ARHGAP15: variants seen among roughly 807,000 people sequenced by gnomAD.
ARHGAP15 encodes the protein Rho GTPase activating protein 15.
ARHGAP15 carries 51 observed loss-of-function variants against 63.7 expected under a neutral mutation model. The ratio of observed to expected loss-of-function variants is 0.80; its 90% CI spans 0.64 to 1.01. ARHGAP15 has a LOEUF of 1.01. Ranked by LOEUF, ARHGAP15 falls within the 50% of genes least tolerant of loss-of-function variation. The pLI is 0.00. For synonymous variants in ARHGAP15, 191 were observed against 193.8 expected, an observed-to-expected ratio of 0.99 and a Z score of 0.12; for missense variants, 560 against 564.6, an observed-to-expected ratio of 0.99 and a Z score of 0.08.
intron 13 of ARHGAP15, among the ~76,000 whole-genome samples, chr2:143,724,051 A>ATGTGTGTGTGTG (rs70982882): frequency 8.7e-5 from 13 of 149,964 alleles, no homozygotes; most frequent in South Asian, 2.1e-4. Flanking sequence ...ATCCACCTTC[A>ATGTGTGTGTGTG]TGTGTGTGTG....
At chr2:143,370,405 G>A (rs551170807) in intron 6 of ARHGAP15, among the ~76,000 whole-genome samples, 9 of 152,200 alleles carry the variant, frequency 5.9e-5, no homozygotes, top group African/African-American at 9.6e-5. Flanking sequence ...GCTAGATGAC[G>A]AGTTAGTGGG....
At chr2:143,476,450 T>C (rs1234968004) in intron 8 of ARHGAP15, among the ~76,000 whole-genome samples, 1 of 152,198 alleles carries the variant, frequency 6.6e-6, no homozygotes, top group South Asian at 2.1e-4. Context: ...ATGCCCAAAG[T>C]TGGCTTAAGT....
At chr2:143,446,990 G>T (rs1292048972) in intron 8 of ARHGAP15, among the ~76,000 whole-genome samples, 1 of 152,054 alleles carries the variant, frequency 6.6e-6, no homozygotes, top group Non-Finnish European at 1.5e-5. Context: ...GTATTCCATG[G>T]TGTATATGTG....
intron 8 of ARHGAP15, among the ~76,000 whole-genome samples, chr2:143,484,768 G>A (rs191614274): frequency 1.3e-5 from 2 of 152,194 alleles, no homozygotes; most frequent in East Asian, 3.9e-4. Flanking sequence ...ATTTTATTTA[G>A]CAGAAAATAT....
At chr2:143,163,882 A>G (rs146151456) in intron 2 of ARHGAP15, among the ~76,000 whole-genome samples, 115 of 152,124 alleles carry the variant, frequency 7.6e-4, no homozygotes, top group Non-Finnish European at 1.5e-3. Context: ...GAACAGATGC[A>G]TTCCTTGAGA....
intron 11 of ARHGAP15, chr2:143,598,095 A>G (rs1452781981): frequency 2.0e-5 from 3 of 152,210 alleles, no homozygotes; most frequent in Non-Finnish European, 2.9e-5. Context: ...GTTTCCAACA[A>G]TGAATTTTAC....
chr2:143,436,391 T>C (rs989063564), intron 7 of ARHGAP15, among the ~76,000 whole-genome samples: 3 of 152,208 alleles, frequency 2.0e-5, no homozygotes, highest in Non-Finnish European at 2.9e-5. Context: ...GCTTTCATTA[T>C]ACCATTTTGG....
intron 6 of ARHGAP15, among the ~76,000 whole-genome samples, chr2:143,330,915 A>G (rs1412902790): frequency 6.6e-6 from 1 of 152,200 alleles, no homozygotes; most frequent in Non-Finnish European, 1.5e-5. Flanking sequence ...GTTGAAGTAA[A>G]TATTACTGAA....
intron 6 of ARHGAP15, among the ~76,000 whole-genome samples, chr2:143,324,891 C>T (rs944902877): frequency 4.6e-5 from 7 of 152,116 alleles, no homozygotes; most frequent in African/African-American, 9.7e-5. Context: ...GGCCCGTGAA[C>T]AGCTTTTGTT....
At chr2:143,221,546 G>A (rs529572124) in intron 4 of ARHGAP15, among the ~76,000 whole-genome samples, 9 of 152,182 alleles carry the variant, frequency 5.9e-5, no homozygotes, top group East Asian at 1.9e-4. Flanking sequence ...GGGGAATTCC[G>A]TCCCCAAACC....
chr2:143,255,361 T>TA (rs1392678971), intron 6 of ARHGAP15, among the ~76,000 whole-genome samples: 1 of 152,068 alleles, frequency 6.6e-6, no homozygotes, highest in African/African-American at 2.4e-5. Context: ...TTCAATATAT[T>TA]AAAAAATAGA....
At chr2:143,469,432 C>G (rs1157149402) in intron 8 of ARHGAP15, among the ~76,000 whole-genome samples, 1 of 152,228 alleles carries the variant, frequency 6.6e-6, no homozygotes, top group African/African-American at 2.4e-5. Context: ...ACACCCCTGC[C>G]CACTGCCATA....
At chr2:143,142,025 C>A (rs1333498878) in intron 1 of ARHGAP15, among the ~76,000 whole-genome samples, 1 of 152,060 alleles carries the variant, frequency 6.6e-6, no homozygotes, top group African/African-American at 2.4e-5. Flanking sequence ...ACCATACACA[C>A]CTGGATCAGT....
rs772174200 is a variant in ARHGAP15 at position 143,603,342 on chromosome 2, G to A, written c.1004-20791G>A. Among the ~76,000 whole-genome samples, 5 of 152,152 alleles carry A rather than the reference G, an allele frequency of 3.3e-5. No individual in the cohort carries two copies. In the South Asian group the frequency reaches 6.2e-4, roughly 19 times the overall value. ...CCTGAATCAGTCTATGCCACTAAATGTATTCTTGTGAATACAGATGCACTT... is the reference window on the plus strand; with the variant it reads ...CCTGAATCAGTCTATGCCACTAAATATATTCTTGTGAATACAGATGCACTT... On this transcript the variant is annotated intron_variant, in intron 11 of 13. Transcript: ENST00000295095.
At chr2:143,616,984 A>G (rs1482710619) in intron 11 of ARHGAP15, among the ~76,000 whole-genome samples, 1 of 152,154 alleles carries the variant, frequency 6.6e-6, no homozygotes, top group African/African-American at 2.4e-5. Flanking sequence ...TCCACTTTAG[A>G]CATAGTAGTT....
intron 10 of ARHGAP15, among the ~76,000 whole-genome samples, chr2:143,541,543 A>T (rs1332096148): frequency 6.6e-6 from 1 of 152,198 alleles, no homozygotes; most frequent in Non-Finnish European, 1.5e-5. Context: ...GGTGACATAC[A>T]GATGGGTTTT....
At chr2:143,249,558 G>A (rs966942555) in intron 5 of ARHGAP15, among the ~76,000 whole-genome samples, 3 of 151,994 alleles carry the variant, frequency 2.0e-5, no homozygotes, top group Admixed American at 2.0e-4. Context: ...AGAAAAGTAT[G>A]GAATCTACAG....
At chr2:143,748,789 T>C (rs1466054534) in intron 13 of ARHGAP15, among the ~76,000 whole-genome samples, 1 of 152,158 alleles carries the variant, frequency 6.6e-6, no homozygotes, top group Non-Finnish European at 1.5e-5. Context: ...GAGGCCCAAA[T>C]AATCAACTCA....
chr2:143,756,314 C>T (rs546261758), intron 13 of ARHGAP15, among the ~76,000 whole-genome samples: 136 of 152,238 alleles, frequency 8.9e-4, no homozygotes, highest in Non-Finnish European at 1.1e-3. Flanking sequence ...TTCTGCTTGG[C>T]TTAATTAATG....
Sources: gnomAD v4.1 joint callset for allele counts (sites outside exome capture counted in the v4.1 genomes callset) on GRCh38, gnomAD v4.1.1 for gene constraint, MANE v1.5 for transcripts, NCBI Gene and HGNC (gene_info 2026-07-23, HGNC 2026-07-21) for gene names.